The following NELL1 variants were observed in gnomAD, a reference collection of about 807,000 sequenced individuals.
NELL1 encodes the protein neural EGFL like 1, also known as protein kinase C-binding protein NELL1.
In NELL1, 76 loss-of-function variants were observed where a neutral mutation model predicts 107.4. The ratio of observed to expected loss-of-function variants is 0.71; its 90% CI spans 0.59 to 0.86. The LOEUF (loss-of-function observed/expected upper bound fraction) is 0.86. NELL1 is among the 40% of genes least tolerant of loss of function. NELL1 has a pLI of 0.00. For missense variants in NELL1, 1,024 were observed against 1,005.5 expected (o/e 1.02, Z -0.25); for synonymous variants, 353 against 341.2 (o/e 1.03, Z -0.38).
chr11:21,379,104 A>G (rs2133765744), intron 15 of NELL1, among the ~76,000 whole-genome samples: 1 of 152,160 alleles, frequency 6.6e-6, no homozygotes, highest in Admixed American at 6.6e-5. Context: ...AAATCAAGTT[A>G]TTTATTTATA....
chr11:21,004,077 C>G (rs1424716169), intron 12 of NELL1, among the ~76,000 whole-genome samples: 1 of 152,112 alleles, frequency 6.6e-6, no homozygotes, highest in African/African-American at 2.4e-5. Context: ...TTTGATCCAT[C>G]TTGCAGAATA....
intron 12 of NELL1, among the ~76,000 whole-genome samples, chr11:20,962,783 G>T (rs1027667089): frequency 3.9e-5 from 6 of 152,222 alleles, no homozygotes; most frequent in African/African-American, 1.4e-4. Context: ...ATGCATTGTG[G>T]TGCTATTGCG....
At chr11:21,542,359 G>C (rs972984989) in intron 16 of NELL1, among the ~76,000 whole-genome samples, 2 of 152,030 alleles carry the variant, frequency 1.3e-5, no homozygotes, top group Admixed American at 6.6e-5. Flanking sequence ...ACAGTGATGG[G>C]CTCATAGGTA....
chr11:21,199,309 A>C (rs1857216647), intron 13 of NELL1, among the ~76,000 whole-genome samples: 1 of 152,118 alleles, frequency 6.6e-6, no homozygotes, highest in Non-Finnish European at 1.5e-5. Flanking sequence ...GGCAACAACA[A>C]CTTTTGGGTA....
At chr11:21,032,049 TAATAA>T (rs1316018561) in intron 12 of NELL1, among the ~76,000 whole-genome samples, 1 of 123,292 alleles carries the variant, frequency 8.1e-6, no homozygotes, top group Admixed American at 7.6e-5. Flanking sequence ...CATGTCAAAA[TAATAA>T]TAATAATAAT....
intron 14 of NELL1, among the ~76,000 whole-genome samples, chr11:21,233,067 A>G (rs1565123196): frequency 6.6e-6 from 1 of 152,254 alleles, no homozygotes; most frequent in African/African-American, 2.4e-5. Flanking sequence ...CCTTTTTATA[A>G]GCATTACATA....
intron 2 of NELL1, among the ~76,000 whole-genome samples, chr11:20,746,526 T>C (rs1317776344): frequency 6.6e-6 from 1 of 151,426 alleles, no homozygotes; most frequent in East Asian, 2.0e-4. Flanking sequence ...ACTTAATAGA[T>C]AGTGGTTATG....
intron 3 of NELL1, among the ~76,000 whole-genome samples, chr11:20,822,077 G>A (rs1478075342): frequency 6.6e-6 from 1 of 152,186 alleles, no homozygotes; most frequent in Non-Finnish European, 1.5e-5. Flanking sequence ...GTCCCTGAGT[G>A]TCCCCAAGTC....
intron 15 of NELL1, among the ~76,000 whole-genome samples, chr11:21,476,855 A>G (rs1037795569): frequency 3.9e-5 from 6 of 152,156 alleles, no homozygotes; most frequent in African/African-American, 1.4e-4. Flanking sequence ...CTGTCACAGC[A>G]GCAGGCAACA....
At chr11:21,510,320 A>T (rs1855404308) in intron 15 of NELL1, among the ~76,000 whole-genome samples, 1 of 152,238 alleles carries the variant, frequency 6.6e-6, no homozygotes, top group South Asian at 2.1e-4. Flanking sequence ...CACAGAATCC[A>T]AATGCAATTT....
chr11:21,043,398 G>C (rs1236592017), intron 12 of NELL1, among the ~76,000 whole-genome samples: 1 of 152,150 alleles, frequency 6.6e-6, no homozygotes, highest in Non-Finnish European at 1.5e-5. Context: ...AGGTTAGAAA[G>C]AACATGGTGT....
At chr11:21,013,386 G>T (rs1006626895) in intron 12 of NELL1, among the ~76,000 whole-genome samples, 1 of 152,098 alleles carries the variant, frequency 6.6e-6, no homozygotes, top group Admixed American at 6.5e-5. Context: ...GCTTGGAGAT[G>T]GTTGAGAGGG....
chr11:21,448,398 A>G (rs560911733), intron 15 of NELL1, among the ~76,000 whole-genome samples: 12 of 152,196 alleles, frequency 7.9e-5, no homozygotes, highest in Non-Finnish European at 1.5e-4. Flanking sequence ...GTGATTCTGT[A>G]TATTTTCAAC....
At chr11:20,767,774 A>G (rs1519734) in intron 2 of NELL1, among the ~76,000 whole-genome samples, 85,539 of 152,086 alleles carry the variant, frequency 0.56, 25,612 homozygotes, top group Middle Eastern at 0.75. Flanking sequence ...TTTATTGCAC[A>G]TCATGTGACA....
intron 5 of NELL1, among the ~76,000 whole-genome samples, chr11:20,916,887 A>G (rs1268370383): frequency 6.6e-6 from 1 of 151,900 alleles, no homozygotes; most frequent in African/African-American, 2.4e-5. Flanking sequence ...TTTCCAGATG[A>G]AGCAACTGGG....
intron 14 of NELL1, chr11:21,284,850 T>C (rs1268201964): frequency 6.6e-6 from 2 of 303,050 alleles, no homozygotes; most frequent in South Asian, 3.2e-5. Flanking sequence ...CTTGGCATCC[T>C]TGGACAACAA....
intron 2 of NELL1, among the ~76,000 whole-genome samples, chr11:20,760,496 C>T (rs327033): frequency 0.25 from 37,627 of 152,002 alleles, 5,496 homozygotes; most frequent in African/African-American, 0.41. Flanking sequence ...AGACCATGAG[C>T]CCCTAGACTT....
chr11:21,022,013 A>T (rs562492262), intron 12 of NELL1, among the ~76,000 whole-genome samples: 2 of 152,084 alleles, frequency 1.3e-5, no homozygotes, highest in African/African-American at 4.8e-5. Flanking sequence ...ACCTCTTCCC[A>T]CTAGATGCCA....
chr11:21,165,561 C>T (rs1856461366), intron 13 of NELL1, among the ~76,000 whole-genome samples: 1 of 151,946 alleles, frequency 6.6e-6, no homozygotes, highest in Admixed American at 6.6e-5. Context: ...TTCTGCAATC[C>T]CACCCCTAGG....
Sources: gnomAD v4.1 joint callset for allele counts (sites outside exome capture counted in the v4.1 genomes callset) on GRCh38, gnomAD v4.1.1 for gene constraint, MANE v1.5 for transcripts, NCBI Gene and HGNC (gene_info 2026-07-23, HGNC 2026-07-21) for gene names.